TENM1: variants seen among roughly 807,000 people sequenced by gnomAD.
TENM1 encodes teneurin transmembrane protein 1.
TENM1 carries 35 observed loss-of-function variants against 174.8 expected under a neutral mutation model. That is an observed-to-expected ratio of 0.20 (90% confidence interval 0.15 to 0.27). The LOEUF is 0.27. Among genes scored for constraint, TENM1 ranks in the 10% least tolerant of loss-of-function variants. The pLI is 1.00. For missense variants in TENM1, 1,633 were observed against 2,130.1 expected (o/e 0.77, Z 4.59); for synonymous variants, 781 against 798.7 (o/e 0.98, Z 0.37).
intron 3 of TENM1, among the ~76,000 whole-genome samples, chrX:124,868,285 TAGAC>T (rs1344200554): frequency 9.0e-6 from 1 of 111,511 alleles, no homozygotes; most frequent in African/African-American, 3.3e-5. Context: ...AACAGACAGA[TAGAC>T]AGTGGAACAG....
intron 23 of TENM1, among the ~76,000 whole-genome samples, chrX:124,430,021 A>G (rs1464933416): frequency 9.0e-6 from 1 of 111,664 alleles, no homozygotes. Flanking sequence ...ACATGATCAG[A>G]TTAGTATTTT....
intron 3 of TENM1, among the ~76,000 whole-genome samples, chrX:124,788,349 T>G (rs751966072): frequency 6.6e-4 from 74 of 111,345 alleles, no homozygotes; most frequent in African/African-American, 2.3e-3. Flanking sequence ...TACCATTCTG[T>G]ACCTGGCCTC....
intron 27 of TENM1, among the ~76,000 whole-genome samples, chrX:124,396,296 C>T (rs1157864054): frequency 2.2e-5 from 1 of 44,570 alleles, no homozygotes; most frequent in Admixed American, 2.5e-4. Flanking sequence ...AGCTGAGCCT[C>T]TCCCAACCTT....
intron 11 of TENM1, among the ~76,000 whole-genome samples, chrX:124,578,960 T>C (rs1427748187): frequency 8.9e-6 from 1 of 112,343 alleles, no homozygotes; most frequent in Non-Finnish European, 1.9e-5. Context: ...GTCCATCTTC[T>C]TTCACCAATT....
intron 11 of TENM1, among the ~76,000 whole-genome samples, chrX:124,635,387 T>C (rs2050856152): frequency 8.9e-6 from 1 of 112,234 alleles, no homozygotes; most frequent in African/African-American, 3.2e-5. Flanking sequence ...GGAACTAACG[T>C]TCCTTAGAAG....
intron 4 of TENM1, among the ~76,000 whole-genome samples, chrX:124,734,223 G>A (rs755167424): frequency 3.3e-4 from 37 of 111,731 alleles, no homozygotes; most frequent in African/African-American, 1.1e-3. Context: ...AGGGTGAGGC[G>A]GGCAGATCAC....
the TENM1 span, among the ~76,000 whole-genome samples, chrX:125,055,127 A>G: frequency 1.8e-5 from 2 of 111,752 alleles, no homozygotes; most frequent in African/African-American, 6.5e-5. Flanking sequence ...ATTAATAAGT[A>G]TCATCCTAGT....
At chrX:124,890,871 C>T (rs1344256817) in intron 3 of TENM1, among the ~76,000 whole-genome samples, 1 of 111,509 alleles carries the variant, frequency 9.0e-6, no homozygotes, top group Non-Finnish European at 1.9e-5. Flanking sequence ...GCACTATTTA[C>T]AATAGCCAAG....
chrX:125,109,009 T>C, the TENM1 span, among the ~76,000 whole-genome samples: 4 of 111,208 alleles, frequency 3.6e-5, no homozygotes, highest in Non-Finnish European at 7.5e-5. Flanking sequence ...TCTATTCATT[T>C]GCATCTTCTG....
the TENM1 span, among the ~76,000 whole-genome samples, chrX:125,173,870 C>T: frequency 9.0e-6 from 1 of 111,546 alleles, no homozygotes; most frequent in Non-Finnish European, 1.9e-5. Flanking sequence ...GGCAAGGCCA[C>T]ATACTAAGCT....
intron 3 of TENM1, among the ~76,000 whole-genome samples, chrX:124,864,049 C>T (rs756797385): frequency 5.3e-5 from 6 of 112,481 alleles, no homozygotes; most frequent in Non-Finnish European, 9.4e-5. Context: ...TATTACTGGG[C>T]TTAGAATGCC....
chrX:124,632,155 C>T (rs2050776063), intron 11 of TENM1, among the ~76,000 whole-genome samples: 1 of 109,301 alleles, frequency 9.1e-6, no homozygotes, highest in Non-Finnish European at 1.9e-5. Flanking sequence ...TCATGATCTG[C>T]CCGCCTTGGC....
chrX:124,935,340 T>C (rs1368270247), intron 1 of TENM1, among the ~76,000 whole-genome samples: 1 of 111,012 alleles, frequency 9.0e-6, no homozygotes, highest in Non-Finnish European at 1.9e-5. Context: ...CCACTATTGG[T>C]ACAATTTTTC....
chrX:124,731,721 T>G (rs2148541074), intron 4 of TENM1, among the ~76,000 whole-genome samples: 1 of 112,074 alleles, frequency 8.9e-6, no homozygotes, highest in Non-Finnish European at 1.9e-5. Flanking sequence ...AAGAACAAGT[T>G]ATGTTAGACA....
At chrX:124,579,577 C>A (rs767787072) in intron 11 of TENM1, among the ~76,000 whole-genome samples, 1 of 111,807 alleles carries the variant, frequency 8.9e-6, no homozygotes, top group Non-Finnish European at 1.9e-5. Flanking sequence ...GTTTTGTTTA[C>A]ACATATATTA....
intron 1 of TENM1, among the ~76,000 whole-genome samples, chrX:124,963,111 T>C (rs1016322002): frequency 3.6e-5 from 4 of 112,435 alleles, no homozygotes; most frequent in Non-Finnish European, 5.6e-5. Flanking sequence ...ATTACGGTGA[T>C]AGACTTTCTG....
chrX:124,822,510 C>T (rs2056061630), intron 3 of TENM1, among the ~76,000 whole-genome samples: 1 of 112,244 alleles, frequency 8.9e-6, no homozygotes, highest in Non-Finnish European at 1.9e-5. Context: ...AATGGAACTT[C>T]TCCACAAATC....
intron 22 of TENM1, among the ~76,000 whole-genome samples, chrX:124,458,491 T>C (rs1295231166): frequency 8.9e-6 from 1 of 112,486 alleles, no homozygotes; most frequent in Non-Finnish European, 1.9e-5. Flanking sequence ...TGTAATATTA[T>C]ATGACTAGTG....
intron 3 of TENM1, among the ~76,000 whole-genome samples, chrX:124,872,952 A>G (rs2057136598): frequency 8.9e-6 from 1 of 111,757 alleles, no homozygotes; most frequent in African/African-American, 3.2e-5. Context: ...TTTGCAGTAT[A>G]ATAGATTTGT....
Sources: allele counts gnomAD v4.1 joint callset (sites outside exome capture counted in the v4.1 genomes callset), GRCh38; gene constraint gnomAD v4.1.1; transcripts MANE v1.5; gene names NCBI Gene and HGNC (gene_info 2026-07-23, HGNC 2026-07-21).